The following ZEB2 variants were observed in gnomAD, a reference collection of about 807,000 sequenced individuals.
The protein encoded by ZEB2 is zinc finger E-box binding homeobox 2.
In ZEB2, 6 loss-of-function variants were observed where a neutral mutation model predicts 99.9. The observed-to-expected ratio is 0.06, with a 90% confidence interval of 0.03 to 0.12. The LOEUF (loss-of-function observed/expected upper bound fraction) is 0.12. Ranked by LOEUF, ZEB2 falls within the 10% of genes least tolerant of loss-of-function variation. ZEB2 has a pLI of 1.00. For synonymous variants in ZEB2, 517 were observed against 542.5 expected (o/e 0.95, Z 0.65); for missense variants, 969 against 1,502.8 (o/e 0.64, Z 5.87).
rs369668612 is a variant in ZEB2, at chr2:144,401,286, C to T, written c.829G>A (p.Ala277Thr). 2.5e-6 allele frequency: 4 copies of T among 1,614,030 alleles called. No individual in the cohort carries two copies. In the African/African-American group the frequency reaches 5.3e-5, roughly 22 times the overall value. Residue 277 changes from alanine (A) to threonine (T), a missense_variant, in exon 7 of 10, where the codon GCA becomes ACA. Coordinates refer to ENST00000627532, the MANE Select transcript of ZEB2 (RefSeq NM_014795.4). ...TDQHQMLTQG[A>T]GNRKFKCTEC... The stretch of plus-strand genomic sequence containing the variant: ...GTGCATTTGAACTTGCGATTACCTG[C>T]TCCTTGGGTTAGCATTTGGTGCTAT...
intron 2 of ZEB2, among the ~76,000 whole-genome samples, chr2:144,508,592 A>T (rs1446195674): frequency 6.6e-6 from 1 of 151,986 alleles, no homozygotes; most frequent in Non-Finnish European, 1.5e-5. Flanking sequence ...GCAAAAAATA[A>T]CCATTAACTC....
Position 144,411,119 on chromosome 2 carries a change from T to TAC in ZEB2, c.404-6096_404-6095insGT, listed in dbSNP as rs1366036154. ...TATATATGTATAATAGGGCATCTCA[T>TAC]ATATACACACACACACACACACACA... On this transcript the variant is annotated intron_variant, in intron 4 of 9. Coordinates refer to ENST00000627532, the MANE Select transcript of ZEB2 (RefSeq NM_014795.4). 5.7e-3 allele frequency among the ~76,000 whole-genome samples: 255 copies of TAC among 44,584 alleles called. 4 individuals carry two copies. Among genetic ancestry groups the TAC allele is most frequent in the Admixed American group, 0.024 (67 of 2,760 alleles). 29.2% of individuals were successfully genotyped at this position (44,584 alleles called of 152,430 possible). A position where few individuals can be genotyped will look rare whatever the true frequency, so the allele number is the denominator to read the frequency against.
chr2:144,501,247 G>C (rs547468614), intron 2 of ZEB2, among the ~76,000 whole-genome samples: 2 of 152,276 alleles, frequency 1.3e-5, no homozygotes, highest in African/African-American at 4.8e-5. Flanking sequence ...TTAATACACT[G>C]CATTGGTATC....
Position 144,520,079 on chromosome 2 carries a change from C to T in ZEB2, c.-210G>A, listed in dbSNP as rs1459537860. 4 of 454,534 alleles carry T rather than the reference C, an allele frequency of 8.8e-6. 1 individual carries two copies. Among genetic ancestry groups the T allele is most frequent in the South Asian group, 6.2e-5 (4 of 64,482 alleles). The allele number at this position is 454,534 out of a possible 1,614,324, so 28.2% of individuals were successfully genotyped here. ...TGTACAAAAACCTCGCCAAGAGTGT[C>T]GGGAGGCAGGACCGTTATTCCTGCA... On this transcript the variant is annotated 5_prime_UTR_variant, in exon 1 of 10. Coordinates refer to ENST00000627532, the MANE Select transcript of ZEB2 (RefSeq NM_014795.4).
chr2:144,515,515 TAAGAG>T (rs1560659741), intron 2 of ZEB2, among the ~76,000 whole-genome samples: 1 of 150,286 alleles, frequency 6.7e-6, no homozygotes, highest in Non-Finnish European at 1.5e-5. Context: ...AAAATTAAAT[TAAGAG>T]AGAGAGAGAG....
At chr2:144,409,839 T>C (rs1703434381) in intron 4 of ZEB2, among the ~76,000 whole-genome samples, 1 of 151,734 alleles carries the variant, frequency 6.6e-6, no homozygotes, top group African/African-American at 2.4e-5. Context: ...CAGAGAGCTG[T>C]GATCGCACCA....
chr2:144,407,660 A>G (rs1703406708), intron 4 of ZEB2, among the ~76,000 whole-genome samples: 1 of 152,390 alleles, frequency 6.6e-6, no homozygotes, highest in Non-Finnish European at 1.5e-5. Flanking sequence ...TGATTTTATC[A>G]GTGACTGACT....
chr2:144,474,950 T>C (rs558756477), intron 2 of ZEB2, among the ~76,000 whole-genome samples: 1 of 152,314 alleles, frequency 6.6e-6, no homozygotes, highest in South Asian at 2.1e-4. Context: ...TCAACAAGCA[T>C]GGGAAATTTT....
chr2:144,497,043 G>A (rs1704771441), intron 2 of ZEB2, among the ~76,000 whole-genome samples: 1 of 152,158 alleles, frequency 6.6e-6, no homozygotes, highest in Admixed American at 6.5e-5. Context: ...AGACATCTCA[G>A]TTGGCTGACA....
At chr2:144,425,012 G>A in intron 3 of ZEB2, 145 bp from the exon 4 acceptor site, 1 of 800,956 alleles carries the variant, frequency 1.2e-6, no homozygotes, top group East Asian at 2.7e-5. Flanking sequence ...GCTTTGTTCA[G>A]GCAATTGAAT....
At chr2:144,502,289 T>C (rs556017441) in intron 2 of ZEB2, among the ~76,000 whole-genome samples, 22 of 152,322 alleles carry the variant, frequency 1.4e-4, no homozygotes, top group African/African-American at 5.3e-4. Flanking sequence ...TATCTCAAAT[T>C]ATAGCCTCTT....
At chr2:144,477,799 T>C (rs1704450922) in intron 2 of ZEB2, among the ~76,000 whole-genome samples, 2 of 152,216 alleles carry the variant, frequency 1.3e-5, no homozygotes, top group African/African-American at 4.8e-5. Context: ...GAGAGACTTA[T>C]TACCTTACAA....
At chr2:144,491,809 T>C (rs1303074834) in intron 2 of ZEB2, among the ~76,000 whole-genome samples, 1 of 152,272 alleles carries the variant, frequency 6.6e-6, no homozygotes, top group African/African-American at 2.4e-5. Context: ...AGATTTAAAA[T>C]GATCTTCATT....
chr2:144,401,819 A>T (rs1157295218), intron 6 of ZEB2, among the ~76,000 whole-genome samples: 1 of 152,190 alleles, frequency 6.6e-6, no homozygotes, highest in Non-Finnish European at 1.5e-5. Context: ...AAGAAAAAAA[A>T]CCCAATCCCA....
At chr2:144,485,000 A>T (rs1020519007) in intron 2 of ZEB2, among the ~76,000 whole-genome samples, 2 of 152,228 alleles carry the variant, frequency 1.3e-5, no homozygotes, top group Non-Finnish European at 2.9e-5. Flanking sequence ...CATGGCAATT[A>T]TAACCTGGCC....
intron 9 of ZEB2, among the ~76,000 whole-genome samples, chr2:144,394,829 G>A (rs1703199773): frequency 6.6e-6 from 1 of 152,066 alleles, no homozygotes; most frequent in South Asian, 2.1e-4. Context: ...ACACTATCAG[G>A]CTGATGCTGG....
chr2:144,515,149 G>A (rs550005763), intron 2 of ZEB2, among the ~76,000 whole-genome samples: 2 of 151,844 alleles, frequency 1.3e-5, no homozygotes, highest in Non-Finnish European at 2.9e-5. Flanking sequence ...AGTCTTCCCT[G>A]CAAAAGAACA....
At position 144,471,520 on chromosome 2, in the gene ZEB2, CTT is replaced by C. The variant is rs1014277066; in HGVS notation, c.74-41496_74-41495del. ...CATGCACACTCTTCTCTCTCTCTCT[CTT>C]TCTTTTTTTTTTTTGGCTTGGGTTT... On this transcript the variant is annotated intron_variant, in intron 2 of 9. Coordinates refer to ENST00000627532, the MANE Select transcript of ZEB2 (RefSeq NM_014795.4). Among the ~76,000 whole-genome samples, 41 of 151,458 alleles carry C rather than the reference CTT, an allele frequency of 2.7e-4. 2 individuals are homozygous for C. In the East Asian group the frequency reaches 3.7e-3, roughly 14 times the overall value.
chr2:144,410,200 C>T (rs530019785), intron 4 of ZEB2, among the ~76,000 whole-genome samples: 56 of 152,234 alleles, frequency 3.7e-4, no homozygotes, highest in Non-Finnish European at 6.0e-4. Flanking sequence ...TGAGCCACCG[C>T]GCCCAGCCAT....
Sources: allele counts gnomAD v4.1 joint callset (sites outside exome capture counted in the v4.1 genomes callset), GRCh38; gene constraint gnomAD v4.1.1; transcripts MANE v1.5; gene names NCBI Gene and HGNC (gene_info 2026-07-23, HGNC 2026-07-21).